CUX2: variants seen among roughly 807,000 people sequenced by gnomAD.
CUX2 encodes homeobox protein cut-like 2.
In CUX2, 40 loss-of-function variants were observed where a neutral mutation model predicts 144.8. That is an observed-to-expected ratio of 0.28 (90% CI 0.21 to 0.36). CUX2 has a LOEUF of 0.36. CUX2 is among the 10% of genes least tolerant of loss of function. The pLI, the probability that CUX2 is intolerant of heterozygous loss-of-function variation, is 1.00. For missense variants in CUX2, 1,615 were observed against 1,994.0 expected (o/e 0.81, Z 3.62); for synonymous variants, 827 against 875.6 (o/e 0.94, Z 0.98).
Position 111,123,498 on chromosome 12 carries a change from T to G in CUX2, c.63+89258T>G, listed in dbSNP as rs148940767. ...CACGCCCAGCCATTACCAGGCACTT[T>G]GTATGTGTTGGATCACATGCACTTT... is the stretch of plus-strand genomic sequence containing the variant. On this transcript the variant is annotated intron_variant, in intron 1 of 21. Coordinates refer to ENST00000261726, the MANE Select transcript of CUX2 (RefSeq NM_015267.4). Among the ~76,000 whole-genome samples the G allele has an allele frequency of 5.9e-3, 897 of 151,384 alleles. 9 individuals are homozygous for G. Among genetic ancestry groups the G allele is most frequent in the African/African-American group, 0.021 (849 of 41,232 alleles).
chr12:111,114,412 A>G (rs1473136401), intron 1 of CUX2, among the ~76,000 whole-genome samples: 1 of 151,946 alleles, frequency 6.6e-6, no homozygotes, highest in African/African-American at 2.4e-5. Flanking sequence ...GCTTCTCTTC[A>G]TATATTTTGC....
At chr12:111,170,786 G>T (rs1419485007) in intron 1 of CUX2, among the ~76,000 whole-genome samples, 1 of 152,004 alleles carries the variant, frequency 6.6e-6, no homozygotes, top group African/African-American at 2.4e-5. Flanking sequence ...CTTATGTGTG[G>T]TGTGTTGGAA....
intron 1 of CUX2, among the ~76,000 whole-genome samples, chr12:111,144,744 G>C (rs146672463): frequency 1.3e-5 from 2 of 152,302 alleles, no homozygotes; most frequent in East Asian, 3.9e-4. Flanking sequence ...GTTGAGCTAT[G>C]CTTAAATCCC....
At chr12:111,172,896 C>T (rs899544004) in intron 1 of CUX2, among the ~76,000 whole-genome samples, 10 of 152,214 alleles carry the variant, frequency 6.6e-5, no homozygotes, top group African/African-American at 2.2e-4. Flanking sequence ...AATGATTTCC[C>T]TTCCAGCTTT....
At chr12:111,235,932 C>G (rs1488539522) in intron 3 of CUX2, among the ~76,000 whole-genome samples, 1 of 152,056 alleles carries the variant, frequency 6.6e-6, no homozygotes, top group Non-Finnish European at 1.5e-5. Flanking sequence ...GGGAAACAAG[C>G]CCCTTTGTTG....
intron 1 of CUX2, among the ~76,000 whole-genome samples, chr12:111,198,878 C>T (rs1033266609): frequency 2.6e-5 from 4 of 152,158 alleles, no homozygotes; most frequent in Non-Finnish European, 5.9e-5. Context: ...GAGGGGCCCC[C>T]CTAAGGTATA....
intron 1 of CUX2, among the ~76,000 whole-genome samples, chr12:111,168,890 G>T (rs1878327868): frequency 6.6e-6 from 1 of 152,104 alleles, no homozygotes; most frequent in African/African-American, 2.4e-5. Context: ...TTGCAAGATG[G>T]CAGGAACTCT....
intron 3 of CUX2, among the ~76,000 whole-genome samples, chr12:111,259,839 TTAA>T (rs1884024107): frequency 6.6e-6 from 1 of 151,900 alleles, no homozygotes; most frequent in African/African-American, 2.4e-5. Flanking sequence ...GAATTTAATT[TTAA>T]TAATATATTT....
At chr12:111,118,304 G>T (rs1031607748) in intron 1 of CUX2, among the ~76,000 whole-genome samples, 3 of 152,018 alleles carry the variant, frequency 2.0e-5, no homozygotes, top group South Asian at 4.2e-4. Flanking sequence ...ACTATTATAT[G>T]CTCTTTAAGG....
chr12:111,311,851 G>A (rs1258813764), intron 15 of CUX2, among the ~76,000 whole-genome samples: 1 of 152,116 alleles, frequency 6.6e-6, no homozygotes, highest in Admixed American at 6.5e-5. Flanking sequence ...TCCCACCTCG[G>A]ACTCCCAGAG....
intron 1 of CUX2, among the ~76,000 whole-genome samples, chr12:111,172,637 G>T (rs1024314228): frequency 1.3e-5 from 2 of 152,210 alleles, no homozygotes; most frequent in African/African-American, 4.8e-5. Flanking sequence ...TGGAGGCTCC[G>T]AACCTCGAGC....
chr12:111,340,734 G>C (rs1408600449), intron 20 of CUX2, among the ~76,000 whole-genome samples: 1 of 152,138 alleles, frequency 6.6e-6, no homozygotes, highest in Non-Finnish European at 1.5e-5. Context: ...ATTTGCCCTG[G>C]CATGCTTATA....
At chr12:111,177,760 G>A (rs1878942317) in intron 1 of CUX2, among the ~76,000 whole-genome samples, 1 of 152,202 alleles carries the variant, frequency 6.6e-6, no homozygotes, top group Non-Finnish European at 1.5e-5. Flanking sequence ...GAAGGTCAGT[G>A]GTCATTGAAG....
At chr12:111,082,946 G>T (rs930561827) in intron 1 of CUX2, among the ~76,000 whole-genome samples, 1 of 152,076 alleles carries the variant, frequency 6.6e-6, no homozygotes, top group Admixed American at 6.5e-5. Flanking sequence ...AGGAGGAGGT[G>T]TTCTGAGCTG....
intron 1 of CUX2, among the ~76,000 whole-genome samples, chr12:111,109,425 A>T (rs549540363): frequency 6.6e-6 from 1 of 152,248 alleles, no homozygotes; most frequent in African/African-American, 2.4e-5. Flanking sequence ...GTCTTAATCC[A>T]TTTCAGTTAC....
intron 1 of CUX2, among the ~76,000 whole-genome samples, chr12:111,095,048 A>G (rs1257327800): frequency 6.6e-6 from 1 of 152,082 alleles, no homozygotes; most frequent in Non-Finnish European, 1.5e-5. Context: ...GGTCAGCCGC[A>G]AGCACCCAGG....
At chr12:111,158,421 A>C (rs955159366) in intron 1 of CUX2, among the ~76,000 whole-genome samples, 1 of 151,514 alleles carries the variant, frequency 6.6e-6, no homozygotes, top group Non-Finnish European at 1.5e-5. Flanking sequence ...CAGCCTGGGC[A>C]ACAAAGTGAG....
chr12:111,046,318 C>T lies in CUX2; in HGVS notation c.63+12078C>T, dbSNP rs565868472. 2.6e-5 allele frequency among the ~76,000 whole-genome samples: 4 copies of T among 152,350 alleles called. No individual in the cohort carries two copies. The East Asian group carries it at 7.7e-4, about 29-fold the overall frequency. On this transcript the variant is annotated intron_variant, in intron 1 of 21. Transcript: ENST00000261726. ...GGCCTGGGATTTCTTTAACAAATGG[C>T]GCCTGCACTCTTACTGCCATGCAAG... is the stretch of plus-strand genomic sequence containing the variant.
At chr12:111,151,456 A>G (rs1379631525) in intron 1 of CUX2, among the ~76,000 whole-genome samples, 3 of 152,224 alleles carry the variant, frequency 2.0e-5, no homozygotes, top group Non-Finnish European at 4.4e-5. Context: ...TTGCATCATG[A>G]ATGCAATATA....
Sources: allele counts gnomAD v4.1 joint callset (sites outside exome capture counted in the v4.1 genomes callset), GRCh38; gene constraint gnomAD v4.1.1; transcripts MANE v1.5; gene names NCBI Gene and HGNC (gene_info 2026-07-23, HGNC 2026-07-21).